The following ASIC2 variants were observed in gnomAD, a reference collection of about 807,000 sequenced individuals.
ASIC2 encodes the protein acid sensing ion channel subunit 2.
ASIC2 carries 25 observed loss-of-function variants against 57.3 expected under a neutral mutation model. That is an observed-to-expected ratio of 0.44 (90% CI 0.32 to 0.61). The LOEUF is 0.61. Ranked by LOEUF, ASIC2 falls within the 20% of genes least tolerant of loss-of-function variation. The probability of loss-of-function intolerance (pLI) is 0.06; values close to 1 mark genes in which losing one functional copy is unlikely to be tolerated. For missense variants in ASIC2, 641 were observed against 738.1 expected, an observed-to-expected ratio of 0.87 and a Z score of 1.52; for synonymous variants, 319 against 307.5, an observed-to-expected ratio of 1.04 and a Z score of -0.39.
At chr17:33,316,201 C>T (rs1217623658) in intron 1 of ASIC2, among the ~76,000 whole-genome samples, 1 of 152,130 alleles carries the variant, frequency 6.6e-6, no homozygotes, top group Non-Finnish European at 1.5e-5. Flanking sequence ...ACTCTCTAAT[C>T]CTCCACTGGC....
chr17:34,099,200 G>C (rs1910699545), intron 1 of ASIC2, among the ~76,000 whole-genome samples: 1 of 98,442 alleles, frequency 1.0e-5, no homozygotes, highest in Non-Finnish European at 2.0e-5. Context: ...AAGAAAGAAA[G>C]AAAGAAAGAA....
intron 1 of ASIC2, among the ~76,000 whole-genome samples, chr17:34,103,989 A>G (rs1256462429): frequency 6.6e-6 from 1 of 152,120 alleles, no homozygotes; most frequent in East Asian, 1.9e-4. Context: ...TTCTATTTTT[A>G]AAAAGCCTTA....
At chr17:33,933,276 C>T (rs1915985483) in intron 1 of ASIC2, among the ~76,000 whole-genome samples, 2 of 152,234 alleles carry the variant, frequency 1.3e-5, no homozygotes, top group South Asian at 4.1e-4. Context: ...CAATCACTAT[C>T]CCTTCACCCT....
chr17:33,478,031 T>C (rs1913285433), intron 1 of ASIC2, among the ~76,000 whole-genome samples: 1 of 152,142 alleles, frequency 6.6e-6, no homozygotes, highest in African/African-American at 2.4e-5. Context: ...CTTGATGCTT[T>C]TCCTGATGCC....
chr17:33,039,500 T>C lies in ASIC2; in HGVS notation c.988-11108A>G, dbSNP rs527462238. ...TAGCTGGGGGACATTGGACAAATGGTTGAGCCTCTCTGACCTTTCCTTCTG... is the reference window on the plus strand; with the variant it reads ...TAGCTGGGGGACATTGGACAAATGGCTGAGCCTCTCTGACCTTTCCTTCTG... On this transcript the variant is annotated intron_variant, in intron 3 of 9. Coordinates refer to ENST00000225823, the MANE Select transcript of ASIC2 (RefSeq NM_183377.2). 4.6e-5 allele frequency among the ~76,000 whole-genome samples: 7 copies of C among 152,330 alleles called. No individual in the cohort carries two copies. The East Asian group carries it at 1.2e-3, about 25-fold the overall frequency.
chr17:33,241,056 A>T (rs1475023095), intron 1 of ASIC2, among the ~76,000 whole-genome samples: 1 of 152,020 alleles, frequency 6.6e-6, no homozygotes, highest in Non-Finnish European at 1.5e-5. Context: ...CCTTTCATAG[A>T]TCAGGACACT....
At chr17:34,132,968 G>A (rs1912034579) in intron 1 of ASIC2, among the ~76,000 whole-genome samples, 1 of 152,150 alleles carries the variant, frequency 6.6e-6, no homozygotes, top group East Asian at 1.9e-4. Flanking sequence ...ACCCATCGCG[G>A]CCTGTTTGGG....
At chr17:33,375,306 G>A (rs997701668) in intron 1 of ASIC2, among the ~76,000 whole-genome samples, 4 of 151,880 alleles carry the variant, frequency 2.6e-5, no homozygotes, top group East Asian at 3.9e-4. Flanking sequence ...TCTCCCGGCA[G>A]AGGAAACAGC....
intron 1 of ASIC2, among the ~76,000 whole-genome samples, chr17:33,464,329 A>G (rs1428142581): frequency 6.6e-6 from 1 of 152,170 alleles, no homozygotes; most frequent in Admixed American, 6.5e-5. Flanking sequence ...TGGATAATAT[A>G]GTGTGTGAAC....
intron 1 of ASIC2, among the ~76,000 whole-genome samples, chr17:33,169,775 G>A (rs1054109640): frequency 2.7e-4 from 41 of 152,142 alleles, no homozygotes; most frequent in Admixed American, 1.0e-3. Context: ...GGGGGTTTCT[G>A]GAGAAGACGT....
intron 1 of ASIC2, among the ~76,000 whole-genome samples, chr17:33,774,693 C>T (rs1911213083): frequency 6.6e-6 from 1 of 152,144 alleles, no homozygotes; most frequent in Non-Finnish European, 1.5e-5. Flanking sequence ...TGGAGACATA[C>T]ACACTTTAAT....
At chr17:33,577,155 TC>T (rs1916650739) in intron 1 of ASIC2, among the ~76,000 whole-genome samples, 1 of 152,132 alleles carries the variant, frequency 6.6e-6, no homozygotes, top group African/African-American at 2.4e-5. Flanking sequence ...TAGCCCTCTC[TC>T]CATTGCCACT....
chr17:33,609,393 T>C lies in ASIC2; in HGVS notation c.556-497326A>G, dbSNP rs529609377. 5.3e-5 allele frequency among the ~76,000 whole-genome samples: 8 copies of C among 152,264 alleles called. No individual in the cohort carries two copies. In the South Asian group the frequency reaches 1.7e-3, roughly 32 times the overall value. ...CCGCTTGCCCTCCGAGTCACAGTCA[T>C]TTGGGCCTCCCTCCAGTTCCTCGAG... On this transcript the variant is annotated intron_variant, in intron 1 of 9. Transcript: ENST00000359872.
At position 33,714,806 on chromosome 17, in the gene ASIC2, CTTT is replaced by C. The variant is rs11323251; in HGVS notation, c.555+441169_555+441171del. Among the ~76,000 whole-genome samples the C allele has an allele frequency of 3.8e-4, 47 of 124,058 alleles. 1 individual carries two copies. The highest frequency in any genetic ancestry group is 6.2e-4 in the African/African-American group (20 of 32,330). 81.4% of individuals were successfully genotyped at this position (124,058 alleles called of 152,430 possible). On this transcript the variant is annotated intron_variant, in intron 1 of 9. Transcript: ENST00000359872. ...TTGTTATATTACGTGATTCTGTGAC[CTTT>C]TTTTTTTTTTTTTTTTGATTTTTGA...
At chr17:34,083,100 C>T (rs1232718239) in intron 1 of ASIC2, among the ~76,000 whole-genome samples, 3 of 151,578 alleles carry the variant, frequency 2.0e-5, no homozygotes, top group Non-Finnish European at 2.9e-5. Context: ...TATACATGTG[C>T]CATGCTGCTG....
At chr17:33,681,288 C>T (rs184459703) in intron 1 of ASIC2, among the ~76,000 whole-genome samples, 41 of 152,320 alleles carry the variant, frequency 2.7e-4, no homozygotes, top group South Asian at 1.4e-3. Context: ...TGTACATTGG[C>T]GGCTGGATAA....
intron 1 of ASIC2, among the ~76,000 whole-genome samples, chr17:33,865,758 ATAAAAAAAAAAAAC>A (rs1914217670): frequency 1.1e-5 from 1 of 88,896 alleles, no homozygotes; most frequent in Admixed American, 1.3e-4. Flanking sequence ...TAAAAAAAAA[ATAAAAAAAAAAAAC>A]AAAAAAAAAA....
chr17:33,831,583 TA>T (rs11314344), intron 1 of ASIC2, among the ~76,000 whole-genome samples: 56,741 of 142,554 alleles, frequency 0.4, 11,043 homozygotes, highest in Non-Finnish European at 0.45. Context: ...TGATCTGAAG[TA>T]AAAAAAAAAA....
chr17:33,476,151 C>T (rs12600630), intron 1 of ASIC2, among the ~76,000 whole-genome samples: 41,394 of 151,986 alleles, frequency 0.27, 5,743 homozygotes, highest in South Asian at 0.32. Context: ...CCATAGAAAC[C>T]ATTCTAGCAA....
Sources: gnomAD v4.1 joint callset for allele counts (sites outside exome capture counted in the v4.1 genomes callset) on GRCh38, gnomAD v4.1.1 for gene constraint, MANE v1.5 for transcripts, NCBI Gene and HGNC (gene_info 2026-07-23, HGNC 2026-07-21) for gene names.